The following ZNF462 variants were observed in gnomAD, a reference collection of about 807,000 sequenced individuals.
ZNF462 encodes zinc finger protein 462.
ZNF462 carries 10 observed loss-of-function variants against 201.9 expected under a neutral mutation model. The observed-to-expected ratio is 0.05, with a 90% confidence interval of 0.03 to 0.08. The LOEUF is 0.08. Ranked by LOEUF, ZNF462 falls within the 10% of genes least tolerant of loss-of-function variation. The pLI is 1.00. For synonymous variants in ZNF462, 1,227 were observed against 1,193.3 expected (o/e 1.03, Z -0.58); for missense variants, 2,523 against 3,168.3 (o/e 0.80, Z 4.89).
intron 10 of ZNF462, among the ~76,000 whole-genome samples, chr9:107,000,838 G>T (rs1373991366): frequency 6.6e-6 from 1 of 152,080 alleles, no homozygotes; most frequent in Non-Finnish European, 1.5e-5. Context: ...AATAACATTT[G>T]GTTTGGTGAC....
chr9:106,966,723 CT>C lies in ZNF462; in HGVS notation c.6428-5281del, dbSNP rs1832088363. ...TACTTAAATGCTCAGTAAATATTTG[CT>C]GAATGAATGGGTGTAATTGAATCAT... On this transcript the variant is annotated intron_variant, in intron 7 of 12. Transcript: ENST00000277225. This position sits in a 1 kb window ranked among gnomAD's most constrained non-coding sequence, Gnocchi z 4.4. Among the ~76,000 whole-genome samples the C allele has an allele frequency of 1.3e-5, 2 of 152,252 alleles. No individual in the cohort carries two copies. The highest frequency in any genetic ancestry group is 2.4e-5 in the African/African-American group (1 of 41,566).
chr9:106,861,728 A>G (rs1255769109), upstream of ZNF462, among the ~76,000 whole-genome samples: 1 of 152,132 alleles, frequency 6.6e-6, no homozygotes, highest in Non-Finnish European at 1.5e-5. Context: ...AAACCGTAGG[A>G]GACTTTCGAC....
rs1832066417 is a variant in ZNF462 at position 106,966,276 on chromosome 9, T to C, written c.6428-5729T>C. ...ATGTTTTTCTGTTCAGACTCATCAT[T>C]TCTTTACCCTAGGGAAATTAAGTCA... is the stretch of plus-strand genomic sequence containing the variant. On this transcript the variant is annotated intron_variant, in intron 7 of 12. Transcript: ENST00000277225. This position sits in a 1 kb window ranked among gnomAD's most constrained non-coding sequence, Gnocchi z 4.4. Among the ~76,000 whole-genome samples, 1 of 152,126 alleles carries C rather than the reference T, an allele frequency of 6.6e-6. No individual in the cohort carries two copies. The highest frequency in any genetic ancestry group is 1.5e-5 in the Non-Finnish European group (1 of 68,012).
At chr9:106,888,562 T>C (rs1828432297) in intron 1 of ZNF462, among the ~76,000 whole-genome samples, 1 of 150,430 alleles carries the variant, frequency 6.6e-6, no homozygotes, top group Non-Finnish European at 1.5e-5. Flanking sequence ...TTGCCCATCT[T>C]GGCCAGTTTG....
rs534214434 is a variant in ZNF462, at chr9:106,902,915, G to GTTTT, written c.-30-20436_-30-20435insTTTT. On this transcript the variant is annotated intron_variant, in intron 1 of 12. Coordinates refer to ENST00000277225, the MANE Select transcript of ZNF462 (RefSeq NM_021224.6). The surrounding 1 kb of genome is among the most constrained non-coding windows in gnomAD (Gnocchi z 4.2). ...TCTTTTGTGTTTTTTTTGTTTGTTT[G>GTTTT]TTTGAATTTCATTTAGTTTTGCCCT... Among the ~76,000 whole-genome samples the GTTTT allele has an allele frequency of 5.4e-4, 82 of 151,836 alleles. No homozygotes were observed. Among genetic ancestry groups the GTTTT allele is most frequent in the Non-Finnish European group, 8.7e-4 (59 of 67,864 alleles).
rs1233426390 is a variant in ZNF462 at position 106,928,283 on chromosome 9, G to A, written c.4371G>A (p.Gln1457=). 6.2e-7 allele frequency: 1 copy of A among 1,613,746 alleles called. No homozygotes were observed. Among genetic ancestry groups the A allele is most frequent in the Non-Finnish European group, 8.5e-7 (1 of 1,179,936 alleles). ...GACTGTCCCCTGAGAAAAGCCTGCA[G>A]CTAGCTTCAGCCAACCCCGCCATAT... The part of the protein sequence containing the change: ...DARLSPEKSL[Q]LASANPAISS... Residue 1457 remains glutamine, a synonymous_variant, in exon 3 of 13, where the codon CAG becomes CAA. Coordinates refer to ENST00000277225, the MANE Select transcript of ZNF462 (RefSeq NM_021224.6). This position sits in a 1 kb window ranked among gnomAD's most constrained non-coding sequence, Gnocchi z 9.3.
In ZNF462 at chr9:106,885,708, G is replaced by A. The variant is rs1005938341; in HGVS notation, c.-31+22353G>A. Among the ~76,000 whole-genome samples the A allele has an allele frequency of 6.6e-6, 1 of 152,184 alleles. No homozygotes were observed. The highest frequency in any genetic ancestry group is 1.5e-5 in the Non-Finnish European group (1 of 68,022). ...CTGCCCCAGCAGAACTCAGCATTAG[G>A]TCACCCTTTAGGCGTATGGTGCAGA... On this transcript the variant is annotated intron_variant, in intron 1 of 12. Transcript: ENST00000277225. This position sits in a 1 kb window ranked among gnomAD's most constrained non-coding sequence, Gnocchi z 4.1.
At position 106,895,568 on chromosome 9, in the gene ZNF462, C is replaced by T. The variant is rs1024369390; in HGVS notation, c.-30-27786C>T. Among the ~76,000 whole-genome samples, 1 of 152,180 alleles carries T rather than the reference C, an allele frequency of 6.6e-6. No homozygotes were observed. Among genetic ancestry groups the T allele is most frequent in the Admixed American group, 6.5e-5 (1 of 15,280 alleles). On this transcript the variant is annotated intron_variant, in intron 1 of 12. Transcript: ENST00000277225. This position sits in a 1 kb window ranked among gnomAD's most constrained non-coding sequence, Gnocchi z 4.4. ...CCTGATTAAGGATGATAAGAGATCC[C>T]TGTTTCTGTCCGAATGAAGGGAGGG...
At position 106,929,786 on chromosome 9, in the gene ZNF462, C is replaced by T; in HGVS notation, c.5847+27C>T. ...TAAGGATATGTTTTGATTTCCCTTC[C>T]CCCAGGAGGCCTCTCATCACTGGTG... is the stretch of plus-strand genomic sequence containing the variant. On this transcript the variant is annotated intron_variant, in intron 3 of 12. Transcript: ENST00000277225. This position sits in a 1 kb window ranked among gnomAD's most constrained non-coding sequence, Gnocchi z 8.7. 6.4e-7 allele frequency: 1 copy of T among 1,574,176 alleles called. No individual in the cohort carries two copies. The highest frequency in any genetic ancestry group is 8.6e-7 in the Non-Finnish European group (1 of 1,158,012).
At chr9:106,861,502 G>A (rs1827065871), upstream of ZNF462, among the ~76,000 whole-genome samples, 3 of 152,126 alleles carry the variant, frequency 2.0e-5, no homozygotes, top group African/African-American at 7.2e-5. Flanking sequence ...CAATTCAGAC[G>A]CGGACAAAAG....
intron 1 of ZNF462, among the ~76,000 whole-genome samples, chr9:106,896,908 G>C (rs367754974): frequency 6.6e-6 from 1 of 152,172 alleles, no homozygotes; most frequent in Non-Finnish European, 1.5e-5. Flanking sequence ...TTCATATTAA[G>C]TATTTAAACA....
At chr9:106,995,815 A>ATTT (rs1278084556) in intron 10 of ZNF462, 1 of 152,014 alleles carries the variant, frequency 6.6e-6, no homozygotes, top group African/African-American at 2.4e-5. Flanking sequence ...TCTTATGGCA[A>ATTT]TTTTTTTATT....
chr9:106,926,143 C>T lies in ZNF462; in HGVS notation c.2231C>T (p.Pro744Leu), dbSNP rs375508030. The T allele has an allele frequency of 3.0e-5, 49 of 1,613,976 alleles. No individual in the cohort carries two copies. The highest frequency in any genetic ancestry group is 1.8e-4 in the South Asian group (16 of 91,078). ...GTTGAGTTGGACAGGGAGGAAGAAC[C>T]GACAGAACCCATCATAGAGGTTCCC... is the stretch of plus-strand genomic sequence containing the variant. ...IEVELDREEE[P>L]TEPIIEVPTS... is the part of the protein sequence containing the mutation. The change falls in exon 3 of 13, where the codon CCG becomes CTG. Residue 744 changes from proline (P) to leucine (L), a missense_variant. This residue lies in a region of ZNF462 where 383 missense variants were observed against 453.4 expected (regional missense o/e 0.84). Transcript: ENST00000277225. This position sits in a 1 kb window ranked among gnomAD's most constrained non-coding sequence, Gnocchi z 7.9.
chr9:106,903,079 G>GAATT (rs1180152831), intron 1 of ZNF462, among the ~76,000 whole-genome samples: 3 of 152,030 alleles, frequency 2.0e-5, no homozygotes, highest in African/African-American at 7.2e-5. Flanking sequence ...TTAGAGCTAT[G>GAATT]AATTTTCCTC....
chr9:106,907,845 T>C (rs1278316654), intron 1 of ZNF462, among the ~76,000 whole-genome samples: 2 of 152,022 alleles, frequency 1.3e-5, no homozygotes, highest in East Asian at 3.8e-4. Context: ...TTTATAATTT[T>C]CATAGATCTG....
rs1204796356 is a variant in ZNF462, at chr9:106,928,433, T to G, written c.4521T>G (p.Ile1507Met). 1 of 1,614,112 alleles carries G rather than the reference T, an allele frequency of 6.2e-7. No homozygotes were observed. Among genetic ancestry groups the G allele is most frequent in the Admixed American group, 1.7e-5 (1 of 60,014 alleles). ...AGGCTGCTGACTTTGCCCAGGACAT[T>G]GACATCAACCCAGGTGCCGTCTACA... is the stretch of plus-strand genomic sequence containing the variant. The part of the protein sequence containing the change: ...KVKAADFAQD[I>M]DINPGAVYKC... The change falls in exon 3 of 13, where the codon ATT (isoleucine) becomes ATG (methionine). Residue 1507 changes from isoleucine (I) to methionine (M), a missense_variant. This residue lies in a region of ZNF462 where 200 missense variants were observed against 281.3 expected (regional missense o/e 0.71). Coordinates refer to ENST00000277225, the MANE Select transcript of ZNF462 (RefSeq NM_021224.6). This position sits in a 1 kb window ranked among gnomAD's most constrained non-coding sequence, Gnocchi z 9.3.
intron 10 of ZNF462, among the ~76,000 whole-genome samples, chr9:106,988,180 T>C (rs934812504): frequency 1.3e-5 from 2 of 152,154 alleles, no homozygotes; most frequent in Non-Finnish European, 2.9e-5. Flanking sequence ...ATTGGACTTA[T>C]AGTTCCAGGT....
chr9:106,908,243 G>A (rs1241511486), intron 1 of ZNF462, among the ~76,000 whole-genome samples: 2 of 152,056 alleles, frequency 1.3e-5, no homozygotes, highest in East Asian at 3.9e-4. Flanking sequence ...TGAATTACAT[G>A]AATTTTATCC....
chr9:106,985,698 T>C (rs1048061483), intron 10 of ZNF462, among the ~76,000 whole-genome samples: 5 of 152,226 alleles, frequency 3.3e-5, no homozygotes, highest in Non-Finnish European at 5.9e-5. Flanking sequence ...AGTGGAAATA[T>C]AGTCCTTCTT....
Sources: allele counts gnomAD v4.1 joint callset (sites outside exome capture counted in the v4.1 genomes callset), GRCh38; gene constraint gnomAD v4.1.1; regional missense constraint gnomAD v4.1.1; non-coding constraint Gnocchi (gnomAD v3.1); transcripts MANE v1.5; gene names NCBI Gene and HGNC (gene_info 2026-07-23, HGNC 2026-07-21).